The following RAD51B variants were observed in gnomAD, a reference collection of about 807,000 sequenced individuals.
RAD51B encodes RAD51 paralog B, also known as DNA repair protein RAD51 homolog 2.
A neutral mutation model predicts 42.2 loss-of-function variants in RAD51B; 38 were observed. That is an observed-to-expected ratio of 0.90 (90% CI 0.70 to 1.18). The LOEUF (loss-of-function observed/expected upper bound fraction) is 1.18, where lower values mean the gene tolerates loss of function less well. RAD51B is among the 50% of genes most tolerant of loss of function. The pLI, the probability that RAD51B is intolerant of heterozygous loss-of-function variation, is 0.00. For missense variants in RAD51B, 373 were observed against 400.7 expected, an observed-to-expected ratio of 0.93 and a Z score of 0.59; for synonymous variants, 154 against 145.2, an observed-to-expected ratio of 1.06 and a Z score of -0.43.
At chr14:67,941,774 A>T (rs902786306) in intron 7 of RAD51B, among the ~76,000 whole-genome samples, 2 of 152,206 alleles carry the variant, frequency 1.3e-5, no homozygotes, top group African/African-American at 4.8e-5. Context: ...GTGGGAAAGG[A>T]TGTACAGAAA....
At chr14:68,176,936 G>GT (rs1396166819) in intron 7 of RAD51B, among the ~76,000 whole-genome samples, 2 of 152,060 alleles carry the variant, frequency 1.3e-5, no homozygotes, top group African/African-American at 4.8e-5. Context: ...ATGGAGTTCT[G>GT]TTTTTTACTA....
intron 8 of RAD51B, among the ~76,000 whole-genome samples, chr14:68,340,657 GC>G (rs2082553754): frequency 6.6e-6 from 1 of 152,166 alleles, no homozygotes; most frequent in Non-Finnish European, 1.5e-5. Flanking sequence ...CTGTGCACAT[GC>G]GTGCATATTA....
chr14:67,867,439 A>G (rs2042365529), intron 5 of RAD51B, among the ~76,000 whole-genome samples: 1 of 152,182 alleles, frequency 6.6e-6, no homozygotes, highest in Non-Finnish European at 1.5e-5. Context: ...CATCGGATTC[A>G]TTCTGTGCTC....
intron 7 of RAD51B, among the ~76,000 whole-genome samples, chr14:68,085,679 T>A (rs2140500263): frequency 6.6e-6 from 1 of 152,240 alleles, no homozygotes; most frequent in South Asian, 2.1e-4. Context: ...GTTAAAGAGT[T>A]AAGTGGGAGG....
intron 8 of RAD51B, among the ~76,000 whole-genome samples, chr14:68,397,410 G>A (rs1000508731): frequency 2.6e-5 from 4 of 152,254 alleles, no homozygotes; most frequent in East Asian, 3.9e-4. Flanking sequence ...TCCCTCTCCC[G>A]CCATGAGGCG....
rs149721186 is a variant in RAD51B, at chr14:67,993,898, A to G, written c.756+106694A>G. Among the ~76,000 whole-genome samples, 324 of 152,334 alleles carry G rather than the reference A, an allele frequency of 2.1e-3. 1 individual carries two copies. Among genetic ancestry groups the G allele is most frequent in the Non-Finnish European group, 3.6e-3 (244 of 68,020 alleles). On this transcript the variant is annotated intron_variant, in intron 7 of 10. Coordinates refer to ENST00000471583, the MANE Select transcript of RAD51B (RefSeq NM_133510.4). ...ACAAGTATAAAAGAAACACTGGAAAATACTGATTTTTAACGCTGTATGCTA... is the reference window on the plus strand; with the variant it reads ...ACAAGTATAAAAGAAACACTGGAAAGTACTGATTTTTAACGCTGTATGCTA...
intron 8 of RAD51B, among the ~76,000 whole-genome samples, chr14:68,353,910 G>T (rs2082841631): frequency 6.6e-6 from 1 of 152,170 alleles, no homozygotes; most frequent in Admixed American, 6.5e-5. Flanking sequence ...ACTGTGTGGG[G>T]TACCCTCAAG....
At chr14:68,239,792 ATTGTCCCT>A (rs2080344647) in intron 7 of RAD51B, among the ~76,000 whole-genome samples, 1 of 152,150 alleles carries the variant, frequency 6.6e-6, no homozygotes, top group Non-Finnish European at 1.5e-5. Flanking sequence ...GATACTTTCC[ATTGTCCCT>A]TTAAGTATAC....
intron 8 of RAD51B, among the ~76,000 whole-genome samples, chr14:68,406,776 G>A (rs1353716226): frequency 6.6e-6 from 1 of 152,022 alleles, no homozygotes; most frequent in African/African-American, 2.4e-5. Context: ...TACAAACATT[G>A]CATAGCTGTT....
chr14:68,298,334 G>A (rs2081652935), intron 8 of RAD51B, among the ~76,000 whole-genome samples: 1 of 152,178 alleles, frequency 6.6e-6, no homozygotes, highest in Non-Finnish European at 1.5e-5. Flanking sequence ...AGAACAAAAG[G>A]AGAAAGGGAA....
chr14:68,340,555 C>T (rs551660626), intron 8 of RAD51B, among the ~76,000 whole-genome samples: 1 of 152,366 alleles, frequency 6.6e-6, no homozygotes, highest in South Asian at 2.1e-4. Flanking sequence ...CTGGTCTTGC[C>T]AGACTCTAAG....
intron 7 of RAD51B, among the ~76,000 whole-genome samples, chr14:68,045,229 T>C (rs2076280607): frequency 1.1e-5 from 1 of 89,762 alleles, no homozygotes; most frequent in African/African-American, 4.7e-5. Flanking sequence ...AGAGCGAAAC[T>C]CTGTCTCAAA....
chr14:67,881,580 G>A (rs72725127), intron 5 of RAD51B, among the ~76,000 whole-genome samples: 49,581 of 151,928 alleles, frequency 0.33, 8,665 homozygotes, highest in Middle Eastern at 0.46. Flanking sequence ...CTCAACTCAG[G>A]TTGTCTACCA....
chr14:68,171,742 T>C (rs868761419), intron 7 of RAD51B, among the ~76,000 whole-genome samples: 5 of 152,222 alleles, frequency 3.3e-5, no homozygotes, highest in African/African-American at 1.2e-4. Context: ...AGTCTCGCTC[T>C]GTCGCCCAGG....
At chr14:68,425,975 TCTTCCTTC>T (rs1298543738) in intron 9 of RAD51B, among the ~76,000 whole-genome samples, 16 of 86,030 alleles carry the variant, frequency 1.9e-4, no homozygotes, top group Non-Finnish European at 2.7e-4. Flanking sequence ...TTTCTTTCTT[TCTTCCTTC>T]CTTCCTTCCT....
At chr14:67,989,919 A>G (rs1043332266) in intron 7 of RAD51B, among the ~76,000 whole-genome samples, 4 of 151,802 alleles carry the variant, frequency 2.6e-5, no homozygotes, top group African/African-American at 9.7e-5. Flanking sequence ...ACCTGATCCT[A>G]ATTCTCTAGG....
At chr14:68,261,663 C>T (rs972547558) in intron 7 of RAD51B, among the ~76,000 whole-genome samples, 42 of 151,904 alleles carry the variant, frequency 2.8e-4, no homozygotes, top group African/African-American at 1.0e-3. Context: ...TAATTTTGAC[C>T]GCGTAAAATT....
chr14:67,865,176 TTGTAACTTATATACAGCA>T (rs1187957239), intron 5 of RAD51B, 37 bp downstream of exon 5: 2 of 1,552,586 alleles, frequency 1.3e-6, no homozygotes, highest in Non-Finnish European at 1.7e-6. Flanking sequence ...TGTTTTACTT[TTGTAACTTATATACAGCA>T]TGAAACATTT....
chr14:68,446,293 G>A (rs1227163454), intron 9 of RAD51B, among the ~76,000 whole-genome samples: 1 of 152,206 alleles, frequency 6.6e-6, no homozygotes, highest in Non-Finnish European at 1.5e-5. Flanking sequence ...TGGTAGAAAA[G>A]AGACTCTGAA....
Sources: allele counts gnomAD v4.1 joint callset (sites outside exome capture counted in the v4.1 genomes callset), GRCh38; gene constraint gnomAD v4.1.1; transcripts MANE v1.5; gene names NCBI Gene and HGNC (gene_info 2026-07-23, HGNC 2026-07-21).